The following MUC17 variants were observed in gnomAD, a reference collection of about 807,000 sequenced individuals.
The protein encoded by MUC17 is mucin 17, cell surface associated.
MUC17 carries 190 observed loss-of-function variants against 170.3 expected under a neutral mutation model. The ratio of observed to expected loss-of-function variants is 1.12; its 90% CI spans 0.99 to 1.26. The LOEUF is 1.26. MUC17 is among the 50% of genes most tolerant of loss of function. MUC17 has a pLI of 0.00. For synonymous variants in MUC17, 2,325 were observed against 2,002.5 expected, an observed-to-expected ratio of 1.16 and a Z score of -4.30; for missense variants, 6,415 against 5,530.0, an observed-to-expected ratio of 1.16 and a Z score of -5.08.
At chr7:101,048,641 G>A (rs1346367314) in intron 4 of MUC17, among the ~76,000 whole-genome samples, 3 of 151,632 alleles carry the variant, frequency 2.0e-5, no homozygotes, top group Admixed American at 1.3e-4. Flanking sequence ...AAGAAAGAAA[G>A]AGGGAAAGAG....
rs773118734 is a variant in MUC17, at chr7:101,041,865, T to C, written c.10449T>C (p.Val3483=). The C allele has an allele frequency of 6.2e-7, 1 of 1,614,008 alleles. No homozygotes were observed. Among genetic ancestry groups the C allele is most frequent in the Non-Finnish European group, 8.5e-7 (1 of 1,179,950 alleles). The change falls in exon 3 of 13, where the codon GTT becomes GTC. Residue 3483 remains valine (V), a synonymous_variant. Coordinates refer to ENST00000306151, the MANE Select transcript of MUC17 (RefSeq NM_001040105.2). ...CTAGCACCCTTTCAACAACTCCTGT[T>C]GACACCAGCACACCTGTGACCACTT... is the stretch of plus-strand genomic sequence containing the variant. ...SEASTLSTTP[V]DTSTPVTTSS...
At chr7:101,029,531 A>T (rs1794240019) in intron 1 of MUC17, among the ~76,000 whole-genome samples, 1 of 152,036 alleles carries the variant, frequency 6.6e-6, no homozygotes, top group Non-Finnish European at 1.5e-5. Flanking sequence ...GATTCATGCC[A>T]GATGTTGTGA....
At position 101,042,668 on chromosome 7, in the gene MUC17, T is replaced by G. The variant is rs1359763652; in HGVS notation, c.11252T>G (p.Ile3751Arg). The G allele has an allele frequency of 6.2e-7, 1 of 1,613,916 alleles. No homozygotes were observed. Among genetic ancestry groups the G allele is most frequent in the South Asian group, 1.1e-5 (1 of 91,078 alleles). The change falls in exon 3 of 13, where the codon ATA becomes AGA. Residue 3751 changes from isoleucine (I) to arginine (R), a missense_variant. Transcript: ENST00000306151. ...TTMSVSMPME[I>R]STLGTTILVS... ...ATGTCTGTGTCAATGCCCATGGAAA[T>G]AAGCACCCTTGGGACCACTATTCTT...
intron 4 of MUC17, 112 bp from the exon 5 acceptor site, chr7:101,048,733 C>A: frequency 7.9e-7 from 1 of 1,258,402 alleles, no homozygotes; most frequent in Non-Finnish European, 1.1e-6. Flanking sequence ...AAATTTGGCA[C>A]AAAATTTTAC....
chr7:101,049,460 G>A, intron 6 of MUC17, 78 bp downstream of exon 6: 2 of 1,537,958 alleles, frequency 1.3e-6, no homozygotes, highest in Non-Finnish European at 1.8e-6. Context: ...TTAGAACTGT[G>A]CCCCCTGCAT....
intron 5 of MUC17, 48 bp from the exon 6 acceptor site, chr7:101,049,276 C>T (rs79623401): frequency 0.026 from 42,130 of 1,613,014 alleles, 1,956 homozygotes; most frequent in East Asian, 0.16. Flanking sequence ...TCCCACAGAA[C>T]GGCCCCGTGG....
chr7:101,046,781 A>T (rs1794849955), intron 3 of MUC17, among the ~76,000 whole-genome samples: 1 of 152,044 alleles, frequency 6.6e-6, no homozygotes, highest in Admixed American at 6.6e-5. Flanking sequence ...CTGTCTCAAA[A>T]AATAATAATA....
Position 101,038,893 on chromosome 7 carries a change from G to A in MUC17, c.7477G>A (p.Ala2493Thr), listed in dbSNP as rs145707965. Residue 2493 changes from alanine (A) to threonine (T), a missense_variant, in exon 3 of 13, where the codon GCC (alanine) becomes ACC (threonine). Ala to Thr is a moderately conservative substitution (Grantham distance 58, BLOSUM62 0). Transcript: ENST00000306151. Reference protein sequence around the residue: ...TSTPMTTSTEASSSPTTAEDI... With the variant: ...TSTPMTTSTETSSSPTTAEDI... ...CACACCTATGACCACTTCTACTGAA[G>A]CCAGTTCATCTCCTACAACTGCTGA... The A allele has an allele frequency of 1.8e-4, 293 of 1,609,870 alleles. 1 individual carries two copies. The highest frequency in any genetic ancestry group is 2.3e-4 in the Non-Finnish European group (277 of 1,178,770).
intron 3 of MUC17, among the ~76,000 whole-genome samples, chr7:101,045,262 C>G (rs1011309628): frequency 6.6e-6 from 1 of 152,186 alleles, no homozygotes; most frequent in African/African-American, 2.4e-5. Flanking sequence ...CAGAACTGCC[C>G]AATCCCATCT....
At position 101,042,782 on chromosome 7, in the gene MUC17, C is replaced by G; in HGVS notation, c.11366C>G (p.Ser3789Cys). 1 of 1,614,204 alleles carries G rather than the reference C, an allele frequency of 6.2e-7. No homozygotes were observed. The highest frequency in any genetic ancestry group is 8.5e-7 in the Non-Finnish European group (1 of 1,180,040). Reference sequence around the variant, plus strand: ...ACCAGCATGTCTATGACCACTGCCTCTGAAGGCAGTTCATCTCCTACAACT... The same window carrying G: ...ACCAGCATGTCTATGACCACTGCCTGTGAAGGCAGTTCATCTCCTACAACT... Reference protein sequence around the residue: ...VYTSMSMTTASEGSSSPTTLE... With the variant: ...VYTSMSMTTACEGSSSPTTLE... The change falls in exon 3 of 13, where the codon TCT becomes TGT. Residue 3789 changes from serine to cysteine, a missense_variant. Coordinates refer to ENST00000306151, the MANE Select transcript of MUC17 (RefSeq NM_001040105.2).
rs1794295422 is a variant in MUC17 at position 101,032,074 on chromosome 7, A to G, written c.658A>G (p.Ser220Gly). Reference protein sequence around the residue: ...TNSEGSTPLTSMPASTMKVAS... With the variant: ...TNSEGSTPLTGMPASTMKVAS... ...CAGTGAAGGAAGCACTCCATTAACA[A>G]GTATGCCTGCCAGCACCATGAAGGT... is the stretch of plus-strand genomic sequence containing the variant. The change falls in exon 3 of 13, where the codon AGT becomes GGT. Residue 220 changes from serine (S) to glycine (G), a missense_variant. Physicochemically the swap from Ser to Gly is moderately conservative, Grantham distance 56. Coordinates refer to ENST00000306151, the MANE Select transcript of MUC17 (RefSeq NM_001040105.2). The G allele has an allele frequency of 1.2e-6, 2 of 1,614,094 alleles. No individual in the cohort carries two copies. The highest frequency in any genetic ancestry group is 1.7e-6 in the Non-Finnish European group (2 of 1,180,036).
intron 1 of MUC17, among the ~76,000 whole-genome samples, chr7:101,024,264 G>A (rs11765880): frequency 0.13 from 20,346 of 151,902 alleles, 1,595 homozygotes; most frequent in African/African-American, 0.2. Context: ...TCTGGGCATG[G>A]TGTGACAAGC....
Position 101,020,104 on chromosome 7 carries a change from T to C in MUC17, c.-32T>C. 1 of 1,556,968 alleles carries C rather than the reference T, an allele frequency of 6.4e-7. No individual in the cohort carries two copies. Among genetic ancestry groups the C allele is most frequent in the South Asian group, 1.2e-5 (1 of 82,820 alleles). On this transcript the variant is annotated 5_prime_UTR_variant, in exon 1 of 13. Transcript: ENST00000306151. ...CTCATTTCGCCAGCTCCTCTGGGGG[T>C]GACAGGCAAGTGAGACGTGCTCAGA...
In MUC17 at chr7:101,038,435, T is replaced by C. The variant is rs1418522364; in HGVS notation, c.7019T>C (p.Leu2340Ser). 3.7e-6 allele frequency: 6 copies of C among 1,613,122 alleles called. No homozygotes were observed. The South Asian group carries it at 4.4e-5, about 12-fold the overall frequency. Residue 2340 changes from leucine (L) to serine (S), a missense_variant, in exon 3 of 13, where the codon TTA becomes TCA. Leu to Ser is a moderately radical substitution (Grantham distance 145). Transcript: ENST00000306151. ...TSTSSEGNTP[L>S]TRMPVSTTMV... ...ACTTCTAGTGAAGGAAACACTCCAT[T>C]AACACGTATGCCTGTCAGCACCACA...
Position 101,039,349 on chromosome 7 carries a change from G to A in MUC17, c.7933G>A (p.Val2645Met), listed in dbSNP as rs201326507. 1.2e-4 allele frequency: 194 copies of A among 1,612,080 alleles called. 1 individual carries two copies. Among genetic ancestry groups the A allele is most frequent in the Non-Finnish European group, 1.3e-4 (150 of 1,179,284 alleles). ...LTSILVSTMP[V>M]ASSEASTLST... is the part of the protein sequence containing the mutation. ...AAGTATACTTGTCAGCACCATGCCA[G>A]TGGCCAGTTCTGAGGCTAGCACCCT... is the stretch of plus-strand genomic sequence containing the variant. The change falls in exon 3 of 13, where the codon GTG becomes ATG. Residue 2645 changes from valine to methionine, a missense_variant. By Grantham distance (21) the Val-to-Met change is conservative. Coordinates refer to ENST00000306151, the MANE Select transcript of MUC17 (RefSeq NM_001040105.2).
In MUC17 at chr7:101,032,165, C is replaced by G; in HGVS notation, c.749C>G (p.Ser250Cys). Residue 250 changes from serine to cysteine, a missense_variant, in exon 3 of 13, where the codon TCT becomes TGT. Transcript: ENST00000306151. Reference protein sequence around the residue: ...PVEISTPVTISAQASSSPTTA... With the variant: ...PVEISTPVTICAQASSSPTTA... ...GAAATCAGCACACCTGTGACCATTT[C>G]TGCTCAAGCCAGTTCATCTCCTACA... The G allele has an allele frequency of 1.2e-6, 2 of 1,613,948 alleles. No homozygotes were observed. Among genetic ancestry groups the G allele is most frequent in the East Asian group, 4.5e-5 (2 of 44,864 alleles).
In MUC17 at chr7:101,041,804, T is replaced by C; in HGVS notation, c.10388T>C (p.Met3463Thr). The change falls in exon 3 of 13, where the codon ATG becomes ACG. Residue 3463 changes from methionine (M) to threonine (T), a missense_variant. By Grantham distance (81) the Met-to-Thr change is moderately conservative. Coordinates refer to ENST00000306151, the MANE Select transcript of MUC17 (RefSeq NM_001040105.2). ...GAAGGAAGCACTCCATTATCAATTA[T>C]GCCTCTCAGTACCACGCCGGTGGCC... ...TSEGSTPLSIMPLSTTPVASS... is the reference protein window; with the variant it reads ...TSEGSTPLSITPLSTTPVASS... The C allele has an allele frequency of 6.2e-7, 1 of 1,613,936 alleles. No homozygotes were observed. The highest frequency in any genetic ancestry group is 2.2e-5 in the East Asian group (1 of 44,858).
rs1794722658 is a variant in MUC17, at chr7:101,041,972, T to C, written c.10556T>C (p.Leu3519Ser). 2 of 1,612,812 alleles carry C rather than the reference T, an allele frequency of 1.2e-6. No individual in the cohort carries two copies. The highest frequency in any genetic ancestry group is 8.5e-7 in the Non-Finnish European group (1 of 1,179,546). Residue 3519 changes from leucine (L) to serine (S), a missense_variant, in exon 3 of 13, where the codon TTA becomes TCA. Transcript: ENST00000306151. Reference protein sequence around the residue: ...TSTAGEGSTPLTNMPVSTTPV... With the variant: ...TSTAGEGSTPSTNMPVSTTPV... ...ACTGCTGGTGAAGGAAGCACTCCAT[T>C]AACAAATATGCCTGTCAGCACCACA...
rs1451527426 is a variant in MUC17 at position 101,040,908 on chromosome 7, T to C, written c.9492T>C (p.Thr3164=). ...CCTCAACTCCTAGTGAAGGAAGTAC[T>C]CCATTAACATATATGCCTGTCAGCA... ...MPTSTPSEGS[T]PLTYMPVSTM... The change falls in exon 3 of 13, where the codon ACT becomes ACC. Residue 3164 remains threonine (T), a synonymous_variant. Transcript: ENST00000306151. 1 of 1,613,190 alleles carries C rather than the reference T, an allele frequency of 6.2e-7. No individual in the cohort carries two copies. Among genetic ancestry groups the C allele is most frequent in the Non-Finnish European group, 8.5e-7 (1 of 1,179,924 alleles).
Sources: allele counts gnomAD v4.1 joint callset (sites outside exome capture counted in the v4.1 genomes callset), GRCh38; gene constraint gnomAD v4.1.1; transcripts MANE v1.5; gene names NCBI Gene and HGNC (gene_info 2026-07-23, HGNC 2026-07-21).